Variants in CAPZB observed in about 807,000 individuals in gnomAD.
CAPZB encodes the protein F-actin-capping protein subunit beta.
Under a neutral mutation model 38.1 loss-of-function variants are expected in CAPZB, and 2 were observed. That is an observed-to-expected ratio of 0.05 (90% CI 0.02 to 0.17). The LOEUF is 0.17. CAPZB is among the 10% of genes least tolerant of loss of function. The pLI is 1.00. For missense variants in CAPZB, 161 were observed against 334.2 expected, an observed-to-expected ratio of 0.48 and a Z score of 4.04; for synonymous variants, 107 against 127.4, an observed-to-expected ratio of 0.84 and a Z score of 1.08.
At chr1:19,409,735 T>C (rs2094349340) in intron 2 of CAPZB, among the ~76,000 whole-genome samples, 1 of 152,256 alleles carries the variant, frequency 6.6e-6, no homozygotes, top group Non-Finnish European at 1.5e-5. Context: ...AGAAGCGTTT[T>C]GCCAAAAGGT....
At chr1:19,368,703 T>C (rs1172817401) in intron 4 of CAPZB, among the ~76,000 whole-genome samples, 1 of 150,262 alleles carries the variant, frequency 6.7e-6, no homozygotes, top group Non-Finnish European at 1.5e-5. Flanking sequence ...GGTCTCTCTC[T>C]GTCACCCAGG....
intron 8 of CAPZB, among the ~76,000 whole-genome samples, chr1:19,343,740 C>T (rs755098178): frequency 3.9e-5 from 6 of 152,216 alleles, no homozygotes; most frequent in Admixed American, 6.5e-5. Context: ...AGAGAGCGCC[C>T]GGCTTTTGTT....
intron 1 of CAPZB, among the ~76,000 whole-genome samples, chr1:19,425,330 T>A (rs985258574): frequency 3.9e-5 from 6 of 152,252 alleles, no homozygotes; most frequent in Non-Finnish European, 7.3e-5. Flanking sequence ...ATTCAATTAA[T>A]CATCTGATCA....
chr1:19,369,010 T>G (rs1188054759), intron 4 of CAPZB, among the ~76,000 whole-genome samples: 1 of 151,790 alleles, frequency 6.6e-6, no homozygotes, highest in African/African-American at 2.4e-5. Flanking sequence ...AACCAAAGAG[T>G]GACTGTGTGC....
intron 6 of CAPZB, among the ~76,000 whole-genome samples, chr1:19,353,964 G>A (rs1314038901): frequency 2.0e-5 from 3 of 152,212 alleles, no homozygotes. Flanking sequence ...ACAGAGTCCT[G>A]TCTACACTGA....
intron 1 of CAPZB, chr1:19,484,170 T>C (rs1217796882): frequency 6.2e-7 from 1 of 1,608,736 alleles, no homozygotes; most frequent in Admixed American, 1.7e-5. Flanking sequence ...GCCAGCACTC[T>C]CCCTAGGCGT....
intron 4 of CAPZB, chr1:19,374,110 C>G (rs1454864913): frequency 6.6e-6 from 1 of 152,306 alleles, no homozygotes; most frequent in Non-Finnish European, 1.5e-5. Flanking sequence ...TGCCCACAGA[C>G]AGCAAGTCCA....
chr1:19,469,547 T>C (rs2094579431), intron 1 of CAPZB, among the ~76,000 whole-genome samples: 1 of 151,486 alleles, frequency 6.6e-6, no homozygotes, highest in Non-Finnish European at 1.5e-5. Context: ...GGAAGTGAAG[T>C]GAAGCCTGCT....
intron 2 of CAPZB, among the ~76,000 whole-genome samples, chr1:19,401,064 G>A (rs1006864543): frequency 1.3e-5 from 2 of 152,040 alleles, no homozygotes; most frequent in African/African-American, 2.4e-5. Context: ...CTAACAGCAC[G>A]GACACCAGGG....
Position 19,339,391 on chromosome 1 carries a change from T to G in CAPZB, c.*139A>C, listed in dbSNP as rs2093915526. 5.6e-6 allele frequency: 4 copies of G among 718,276 alleles called. No homozygotes were observed. Among genetic ancestry groups the G allele is most frequent in the Non-Finnish European group, 1.0e-5 (4 of 397,478 alleles). The allele number at this position is 718,276 out of a possible 1,614,324, so 44.5% of individuals were successfully genotyped here. ...TATCGGCTTTATTCTCAGGGAGAGA[T>G]GGCGCTGTGCGGTCAATGATGCAGC... On this transcript the variant is annotated 3_prime_UTR_variant, in exon 9 of 9. Coordinates refer to ENST00000264202, the MANE Select transcript of CAPZB (RefSeq NM_004930.5).
intron 2 of CAPZB, among the ~76,000 whole-genome samples, chr1:19,407,509 G>C (rs2094337842): frequency 6.6e-6 from 1 of 152,176 alleles, no homozygotes; most frequent in Non-Finnish European, 1.5e-5. Context: ...GGAAAGAGGA[G>C]CAAGAGGTGA....
At chr1:19,436,602 C>T (rs754842620) in intron 1 of CAPZB, among the ~76,000 whole-genome samples, 5 of 152,104 alleles carry the variant, frequency 3.3e-5, no homozygotes, top group Middle Eastern at 3.2e-3. Flanking sequence ...CAATGCAAAG[C>T]ATATAGGGTT....
Position 19,377,869 on chromosome 1 carries a change from G to A in CAPZB, c.329+671C>T, listed in dbSNP as rs376262843. On this transcript the variant is annotated intron_variant, in intron 4 of 8. Coordinates refer to ENST00000264202, the MANE Select transcript of CAPZB (RefSeq NM_004930.5). ...GAAATCTCAACAGATCTAGCAAAACGCTTTTTAAGGAAGGTGCCGAGGCCA... is the reference window on the plus strand; with the variant it reads ...GAAATCTCAACAGATCTAGCAAAACACTTTTTAAGGAAGGTGCCGAGGCCA... Among the ~76,000 whole-genome samples, 7 of 152,326 alleles carry A rather than the reference G, an allele frequency of 4.6e-5. No homozygotes were observed. In the South Asian group the frequency reaches 8.3e-4, roughly 18 times the overall value.
At chr1:19,470,795 T>C (rs2094584424) in intron 1 of CAPZB, among the ~76,000 whole-genome samples, 1 of 152,198 alleles carries the variant, frequency 6.6e-6, no homozygotes, top group African/African-American at 2.4e-5. Flanking sequence ...CATTCTGAAT[T>C]TACATAAAGG....
intron 6 of CAPZB, among the ~76,000 whole-genome samples, chr1:19,350,582 C>G (rs1472821392): frequency 6.6e-6 from 1 of 151,716 alleles, no homozygotes; most frequent in Admixed American, 6.6e-5. Flanking sequence ...CAAAAAGCCT[C>G]TCCTTGCAAG....
chr1:19,358,811 T>C (rs984700561), intron 4 of CAPZB, among the ~76,000 whole-genome samples: 3 of 152,202 alleles, frequency 2.0e-5, no homozygotes, highest in Non-Finnish European at 4.4e-5. Context: ...AGCCACGGTG[T>C]GGCAGGTGCA....
At chr1:19,363,642 T>C (rs144457146) in intron 4 of CAPZB, among the ~76,000 whole-genome samples, 1 of 152,124 alleles carries the variant, frequency 6.6e-6, no homozygotes, top group East Asian at 1.9e-4. Context: ...TCCAAAAGCT[T>C]TATGGAGTGT....
At chr1:19,383,743 G>C (rs181860438) in intron 3 of CAPZB, among the ~76,000 whole-genome samples, 7 of 152,154 alleles carry the variant, frequency 4.6e-5, no homozygotes, top group Admixed American at 3.3e-4. Flanking sequence ...AGCCTACCTG[G>C]TATCTCCACT....
intron 3 of CAPZB, among the ~76,000 whole-genome samples, chr1:19,379,638 C>T (rs770943433): frequency 1.3e-5 from 2 of 152,112 alleles, no homozygotes; most frequent in African/African-American, 2.4e-5. Context: ...GCTATGCACA[C>T]ATATGAAGAC....
Sources: gnomAD v4.1 joint callset for allele counts (sites outside exome capture counted in the v4.1 genomes callset) on GRCh38, gnomAD v4.1.1 for gene constraint, MANE v1.5 for transcripts, NCBI Gene and HGNC (gene_info 2026-07-23, HGNC 2026-07-21) for gene names.